RANBP17: variants seen among roughly 807,000 people sequenced by gnomAD.
RANBP17 encodes RAN binding protein 17.
In RANBP17, 158 loss-of-function variants were observed where a neutral mutation model predicts 141.2. The observed-to-expected ratio is 1.12, with a 90% confidence interval of 0.98 to 1.28. RANBP17 has a LOEUF of 1.28. Among genes scored for constraint, RANBP17 ranks in the 50% most tolerant of loss-of-function variants. RANBP17 has a pLI of 0.00. For missense variants in RANBP17, 1,438 were observed against 1,290.7 expected (o/e 1.11, Z -1.75); for synonymous variants, 430 against 450.0 (o/e 0.96, Z 0.56).
chr5:170,916,511 T>G lies in RANBP17; in HGVS notation c.881T>G (p.Phe294Cys). 1 of 1,584,102 alleles carries G rather than the reference T, an allele frequency of 6.3e-7. No individual in the cohort carries two copies. The highest frequency in any genetic ancestry group is 8.6e-7 in the Non-Finnish European group (1 of 1,163,534). ...VQFASTRRSL[F>C]NSPERAKYLG... ...TTTGCTTCGACAAGAAGGTCCTTAT[T>G]TAACAGTCCTGAACGTGCCAAGTAC... The change falls in exon 9 of 28, where the codon TTT (phenylalanine) becomes TGT (cysteine). Residue 294 changes from phenylalanine to cysteine, a missense_variant. Physicochemically the swap from Phe to Cys is radical, Grantham distance 205 (BLOSUM62 -2). Coordinates refer to ENST00000523189, the MANE Select transcript of RANBP17 (RefSeq NM_022897.5).
chr5:170,913,138 C>T (rs542470205), intron 7 of RANBP17, among the ~76,000 whole-genome samples: 9 of 152,052 alleles, frequency 5.9e-5, no homozygotes, highest in African/African-American at 1.9e-4. Flanking sequence ...AAGACATTTT[C>T]AGATATGCGA....
chr5:171,187,762 T>C (rs1252941071), intron 18 of RANBP17, among the ~76,000 whole-genome samples: 3 of 152,192 alleles, frequency 2.0e-5, no homozygotes, highest in Admixed American at 2.0e-4. Flanking sequence ...TTAAGCTTCT[T>C]TGTAGTGACC....
intron 14 of RANBP17, among the ~76,000 whole-genome samples, chr5:171,123,726 C>A (rs1348184925): frequency 6.6e-6 from 1 of 152,230 alleles, no homozygotes; most frequent in Non-Finnish European, 1.5e-5. Context: ...ACAGCCTCCG[C>A]TAACAACTGT....
intron 22 of RANBP17, among the ~76,000 whole-genome samples, chr5:171,225,592 A>G (rs1763834243): frequency 6.6e-6 from 1 of 152,192 alleles, no homozygotes; most frequent in Admixed American, 6.5e-5. Context: ...TCTCTTTGGT[A>G]AGCCCAGGTG....
intron 19 of RANBP17, among the ~76,000 whole-genome samples, chr5:171,201,986 G>A (rs935012176): frequency 6.6e-6 from 1 of 152,112 alleles, no homozygotes; most frequent in Non-Finnish European, 1.5e-5. Context: ...AAATGCCGCA[G>A]GACTGCCAAA....
intron 25 of RANBP17, among the ~76,000 whole-genome samples, chr5:171,289,916 G>A (rs1176528130): frequency 1.3e-5 from 2 of 152,116 alleles, no homozygotes; most frequent in Non-Finnish European, 2.9e-5. Flanking sequence ...TATAGTCCCA[G>A]TTACTTGGGA....
At chr5:171,154,581 A>T (rs999892383) in intron 14 of RANBP17, among the ~76,000 whole-genome samples, 87 of 152,286 alleles carry the variant, frequency 5.7e-4, no homozygotes, top group African/African-American at 2.1e-3. Flanking sequence ...TGCCCAGCCA[A>T]GATTATTTTA....
intron 9 of RANBP17, 73 bp from the exon 10 acceptor site, chr5:170,918,640 T>C: frequency 1.6e-6 from 2 of 1,271,324 alleles, no homozygotes; most frequent in Non-Finnish European, 2.1e-6. Context: ...CTTAAGATGC[T>C]TTGGGGTTTT....
chr5:171,230,538 A>C (rs1764147905), intron 22 of RANBP17, among the ~76,000 whole-genome samples: 1 of 152,134 alleles, frequency 6.6e-6, no homozygotes, highest in African/African-American at 2.4e-5. Context: ...AGGCGTGTGG[A>C]TCACCTGAGG....
chr5:171,105,217 C>T (rs1754718936), intron 14 of RANBP17, among the ~76,000 whole-genome samples: 1 of 149,830 alleles, frequency 6.7e-6, no homozygotes, highest in African/African-American at 2.5e-5. Context: ...CCCGTCTCTA[C>T]TAAAAATACA....
chr5:171,119,648 A>G (rs1247105690), intron 14 of RANBP17, among the ~76,000 whole-genome samples: 1 of 152,078 alleles, frequency 6.6e-6, no homozygotes, highest in Admixed American at 6.5e-5. Flanking sequence ...GGCTTTTATT[A>G]TGTTGAGGTA....
chr5:170,928,748 C>G (rs1773119237), intron 12 of RANBP17, among the ~76,000 whole-genome samples: 1 of 148,028 alleles, frequency 6.8e-6, no homozygotes, highest in Non-Finnish European at 1.5e-5. Flanking sequence ...TTCTTGAAAT[C>G]AGGTAATACA....
chr5:170,863,337 A>G (rs1766975419), intron 1 of RANBP17: 1 of 152,274 alleles, frequency 6.6e-6, no homozygotes, highest in African/African-American at 2.4e-5. Context: ...ATATGGTGAC[A>G]GTGTATCTAA....
At chr5:170,959,129 A>G (rs975873198) in intron 13 of RANBP17, among the ~76,000 whole-genome samples, 1 of 152,148 alleles carries the variant, frequency 6.6e-6, no homozygotes, top group Non-Finnish European at 1.5e-5. Flanking sequence ...TTTCAGACCT[A>G]TTCTACTTAG....
At chr5:171,075,867 C>T (rs927253671) in intron 14 of RANBP17, among the ~76,000 whole-genome samples, 4 of 151,962 alleles carry the variant, frequency 2.6e-5, no homozygotes, top group Non-Finnish European at 5.9e-5. Context: ...GCATGAGAAT[C>T]GCTTGAACCT....
chr5:171,184,230 C>A (rs1761070916), intron 18 of RANBP17, among the ~76,000 whole-genome samples: 1 of 152,128 alleles, frequency 6.6e-6, no homozygotes, highest in Non-Finnish European at 1.5e-5. Flanking sequence ...CGGAATCAAC[C>A]TAAGTGTCCA....
intron 5 of RANBP17, among the ~76,000 whole-genome samples, chr5:170,909,044 A>G (rs1231916361): frequency 6.6e-6 from 1 of 151,892 alleles, no homozygotes; most frequent in East Asian, 1.9e-4. Context: ...AATTTTGAAT[A>G]TACTACATTT....
chr5:171,289,506 G>C (rs1768356203), intron 25 of RANBP17, among the ~76,000 whole-genome samples: 1 of 152,130 alleles, frequency 6.6e-6, no homozygotes, highest in Non-Finnish European at 1.5e-5. Flanking sequence ...GGGAGGCTGA[G>C]GGGGGAGGAT....
chr5:170,957,346 A>G (rs1233407118), intron 13 of RANBP17, among the ~76,000 whole-genome samples: 1 of 152,098 alleles, frequency 6.6e-6, no homozygotes, highest in African/African-American at 2.4e-5. Flanking sequence ...AGAAAGAATA[A>G]GAGGAAAGGG....
Sources: gnomAD v4.1 joint callset for allele counts (sites outside exome capture counted in the v4.1 genomes callset) on GRCh38, gnomAD v4.1.1 for gene constraint, MANE v1.5 for transcripts, NCBI Gene and HGNC (gene_info 2026-07-23, HGNC 2026-07-21) for gene names.